Variants in PSME3IP1 observed in about 807,000 individuals in gnomAD.
PSME3IP1 encodes PSME3-interacting protein.
A neutral mutation model predicts 34.1 loss-of-function variants in PSME3IP1; 13 were observed. The observed-to-expected ratio is 0.38, with a 90% CI of 0.25 to 0.61. PSME3IP1 has a LOEUF of 0.61. Among genes scored for constraint, PSME3IP1 ranks in the 20% least tolerant of loss-of-function variants. The pLI, the probability that PSME3IP1 is intolerant of heterozygous loss-of-function variation, is 0.60. For synonymous variants in PSME3IP1, 93 were observed against 114.3 expected (o/e 0.81, Z 1.19); for missense variants, 237 against 301.4 (o/e 0.79, Z 1.58).
chr16:57,167,679 C>T (rs550502342), intron 4 of PSME3IP1, among the ~76,000 whole-genome samples: 3 of 152,336 alleles, frequency 2.0e-5, no homozygotes, highest in South Asian at 2.1e-4. Flanking sequence ...CGAAGACTAA[C>T]TCCTGCTCCA....
intron 1 of PSME3IP1, among the ~76,000 whole-genome samples, chr16:57,184,903 T>C (rs1438844465): frequency 6.6e-6 from 1 of 152,258 alleles, no homozygotes; most frequent in Non-Finnish European, 1.5e-5. Context: ...CTGTAAAAGC[T>C]GCTGTCGGCT....
At chr16:57,158,359 G>A (rs911188127) in intron 6 of PSME3IP1, among the ~76,000 whole-genome samples, 7 of 151,554 alleles carry the variant, frequency 4.6e-5, no homozygotes, top group African/African-American at 7.3e-5. Context: ...AGACTGGGGC[G>A]GGTGGACCAC....
intron 6 of PSME3IP1, among the ~76,000 whole-genome samples, chr16:57,158,187 A>G (rs1467879967): frequency 6.6e-6 from 1 of 152,254 alleles, no homozygotes; most frequent in Non-Finnish European, 1.5e-5. Context: ...CATTTGGAAC[A>G]TAACATCAAA....
In PSME3IP1 at chr16:57,171,517, C is replaced by G. The variant is rs576126576; in HGVS notation, c.348+734G>C. On this transcript the variant is annotated intron_variant, in intron 4 of 6. Coordinates refer to ENST00000309137, the MANE Select transcript of PSME3IP1 (RefSeq NM_024946.4). ...ATTGAGGATGAGAGCAGAAACAAAC[C>G]AATTAGATGGTCACAGGAGTCGAGA... 9.9e-4 allele frequency among the ~76,000 whole-genome samples: 150 copies of G among 152,212 alleles called. 2 individuals carry two copies. Among genetic ancestry groups the G allele is most frequent in the Admixed American group, 9.7e-3 (149 of 15,286 alleles).
intron 5 of PSME3IP1, 107 bp downstream of exon 5, chr16:57,166,986 T>TGC: frequency 7.5e-7 from 1 of 1,330,556 alleles, no homozygotes; most frequent in Non-Finnish European, 1.0e-6. Context: ...CCAAGGGAAC[T>TGC]TCACCAGGAC....
At chr16:57,166,959 A>C in intron 5 of PSME3IP1, 134 bp downstream of exon 5, 2 of 947,226 alleles carry the variant, frequency 2.1e-6, no homozygotes, top group Non-Finnish European at 3.2e-6. Context: ...CTGGAAAGGG[A>C]GAGATAGGTG....
At chr16:57,168,503 T>TA (rs2072166782) in intron 4 of PSME3IP1, among the ~76,000 whole-genome samples, 3 of 48,940 alleles carry the variant, frequency 6.1e-5, no homozygotes, top group East Asian at 4.6e-4. Context: ...TCATTTTTAT[T>TA]TAAAAAAAAA....
chr16:57,171,968 T>C (rs1477426776), intron 4 of PSME3IP1, among the ~76,000 whole-genome samples: 1 of 152,224 alleles, frequency 6.6e-6, no homozygotes, highest in African/African-American at 2.4e-5. Context: ...TGAAGCTGAC[T>C]GCACTGCCCA....
At chr16:57,176,819 T>C (rs1225133625) in intron 1 of PSME3IP1, among the ~76,000 whole-genome samples, 1 of 152,122 alleles carries the variant, frequency 6.6e-6, no homozygotes, top group East Asian at 1.9e-4. Context: ...GCCATTGGTG[T>C]CCCAGTAAAT....
intron 3 of PSME3IP1, 106 bp from the exon 4 acceptor site, chr16:57,172,478 A>G (rs1465610422): frequency 4.8e-6 from 6 of 1,242,276 alleles, no homozygotes; most frequent in Non-Finnish European, 6.7e-6. Context: ...GGATTAAAAA[A>G]AAAAGAACTG....
At chr16:57,177,338 C>T (rs1334363293) in intron 1 of PSME3IP1, among the ~76,000 whole-genome samples, 9 of 150,304 alleles carry the variant, frequency 6.0e-5, no homozygotes, top group African/African-American at 2.0e-4. Context: ...TGCACCACTA[C>T]ACCTGGCTAA....
In PSME3IP1 at chr16:57,172,812, T is replaced by C. The variant is rs1169665076; in HGVS notation, c.190A>G (p.Arg64Gly). Residue 64 changes from arginine (R) to glycine (G), a missense_variant, in exon 3 of 7, where the codon AGG becomes GGG. Coordinates refer to ENST00000309137, the MANE Select transcript of PSME3IP1 (RefSeq NM_024946.4). ...LYERLQEQKD[R>G]KQQEYEEQFK... ...TGTTCCTCGTACTCCTGCTGCTTCC[T>C]GTCCTTCTGTTCCTGTAGCCTTTCA... 3 of 1,613,516 alleles carry C rather than the reference T, an allele frequency of 1.9e-6. No homozygotes were observed.
intron 4 of PSME3IP1, among the ~76,000 whole-genome samples, chr16:57,169,820 A>C (rs762815148): frequency 1.3e-5 from 2 of 152,194 alleles, no homozygotes; most frequent in Non-Finnish European, 2.9e-5. Context: ...AAACAACACA[A>C]TATGGGTATC....
intron 6 of PSME3IP1, among the ~76,000 whole-genome samples, chr16:57,155,374 G>A (rs2070394450): frequency 6.6e-6 from 1 of 152,198 alleles, no homozygotes; most frequent in Non-Finnish European, 1.5e-5. Context: ...TATAATCCTG[G>A]CACTTTGGGA....
chr16:57,178,023 T>A (rs1219341234), intron 1 of PSME3IP1, among the ~76,000 whole-genome samples: 1 of 152,236 alleles, frequency 6.6e-6, no homozygotes, highest in Non-Finnish European at 1.5e-5. Context: ...ATAAAACTAA[T>A]ATCATAATTC....
chr16:57,177,268 G>A (rs565865634), intron 1 of PSME3IP1, among the ~76,000 whole-genome samples: 1 of 151,842 alleles, frequency 6.6e-6, no homozygotes, highest in South Asian at 2.1e-4. Context: ...AATTCAGAGA[G>A]CCTCCTGGGC....
chr16:57,172,124 AG>A, intron 4 of PSME3IP1, 126 bp downstream of exon 4: 2 of 931,758 alleles, frequency 2.1e-6, no homozygotes, highest in Non-Finnish European at 3.3e-6. Flanking sequence ...CAGGAATATC[AG>A]TGTTCAAAGG....
At chr16:57,185,378 C>T (rs556809787) in intron 1 of PSME3IP1, among the ~76,000 whole-genome samples, 15 of 152,234 alleles carry the variant, frequency 9.9e-5, no homozygotes, top group Non-Finnish European at 1.6e-4. Context: ...TCGCTTGGCA[C>T]AGCAACTGGT....
chr16:57,180,451 G>C (rs2073591690), intron 1 of PSME3IP1, among the ~76,000 whole-genome samples: 1 of 151,914 alleles, frequency 6.6e-6, no homozygotes, highest in African/African-American at 2.4e-5. Flanking sequence ...TTAGCTGGCT[G>C]TGGTGACATG....
Sources: allele counts gnomAD v4.1 joint callset (sites outside exome capture counted in the v4.1 genomes callset), GRCh38; gene constraint gnomAD v4.1.1; transcripts MANE v1.5; gene names NCBI Gene and HGNC (gene_info 2026-07-23, HGNC 2026-07-21).